The following OSBPL8 variants were observed in gnomAD, a reference collection of about 807,000 sequenced individuals.
The protein encoded by OSBPL8 is oxysterol-binding protein-related protein 8.
In OSBPL8, 59 loss-of-function variants were observed where a neutral mutation model predicts 125.5. That is an observed-to-expected ratio of 0.47 (90% CI 0.38 to 0.58). The LOEUF is 0.58. Among genes scored for constraint, OSBPL8 ranks in the 20% least tolerant of loss-of-function variants. OSBPL8 has a pLI of 0.00. For missense variants in OSBPL8, 758 were observed against 1,047.8 expected (o/e 0.72, Z 3.82); for synonymous variants, 330 against 338.9 (o/e 0.97, Z 0.29).
intron 2 of OSBPL8, among the ~76,000 whole-genome samples, chr12:76,477,096 C>T (rs971484758): frequency 8.5e-5 from 13 of 152,094 alleles, no homozygotes; most frequent in African/African-American, 2.7e-4. Context: ...TACTCTCCCA[C>T]CCCCAAACCT....
intron 8 of OSBPL8, among the ~76,000 whole-genome samples, chr12:76,396,900 G>A (rs73137009): frequency 4.6e-5 from 7 of 151,768 alleles, no homozygotes; most frequent in Non-Finnish European, 8.8e-5. Flanking sequence ...AAGCCTCCTC[G>A]ACCTCCCAAG....
chr12:76,472,873 ACTGATGT>A, intron 2 of OSBPL8, among the ~76,000 whole-genome samples: 1 of 152,248 alleles, frequency 6.6e-6, no homozygotes, highest in East Asian at 1.9e-4. Context: ...GGCAGGCCTG[ACTGATGT>A]CAGGCCCTCC....
intron 3 of OSBPL8, among the ~76,000 whole-genome samples, chr12:76,453,156 GTT>G (rs1319199573): frequency 2.0e-5 from 3 of 152,080 alleles, no homozygotes; most frequent in African/African-American, 7.2e-5. Context: ...AGAGAAGGAA[GTT>G]TTGTCTGCCT....
At chr12:76,520,372 T>TC (rs1044614609) in intron 1 of OSBPL8, among the ~76,000 whole-genome samples, 1 of 152,066 alleles carries the variant, frequency 6.6e-6, no homozygotes, top group African/African-American at 2.4e-5. Flanking sequence ...TCTATCTGCC[T>TC]CCCCCCATTA....
chr12:76,449,990 C>A lies in OSBPL8; in HGVS notation c.217+861G>T, dbSNP rs531315317. Among the ~76,000 whole-genome samples, 13 of 152,112 alleles carry A rather than the reference C, an allele frequency of 8.5e-5. No individual in the cohort carries two copies. In the South Asian group the frequency reaches 2.7e-3, roughly 32 times the overall value. On this transcript the variant is annotated intron_variant, in intron 4 of 23. Coordinates refer to ENST00000261183, the MANE Select transcript of OSBPL8 (RefSeq NM_020841.5). The stretch of plus-strand genomic sequence containing the variant: ...CCCCCATATATATATATGCATGAGA[C>A]CAGATTTTATTCATATACTTCAATC...
At chr12:76,361,806 C>A (rs991813420) in intron 21 of OSBPL8, among the ~76,000 whole-genome samples, 1 of 152,140 alleles carries the variant, frequency 6.6e-6, no homozygotes, top group African/African-American at 2.4e-5. Context: ...GAAACCACCC[C>A]CTTGATTCAA....
chr12:76,422,146 C>T (rs1869563253), intron 4 of OSBPL8, among the ~76,000 whole-genome samples: 1 of 152,090 alleles, frequency 6.6e-6, no homozygotes, highest in Non-Finnish European at 1.5e-5. Flanking sequence ...ATATTAATAT[C>T]TGGGTTTCAT....
intron 16 of OSBPL8, among the ~76,000 whole-genome samples, chr12:76,377,258 C>T (rs762635338): frequency 4.6e-5 from 7 of 152,064 alleles, no homozygotes; most frequent in Non-Finnish European, 8.8e-5. Context: ...GTCTTTATAG[C>T]AGAATAATGT....
At chr12:76,469,629 G>A (rs1875879709) in intron 2 of OSBPL8, among the ~76,000 whole-genome samples, 1 of 152,184 alleles carries the variant, frequency 6.6e-6, no homozygotes. Flanking sequence ...CTGCTCAAAA[G>A]CTACTTCATC....
At chr12:76,488,802 C>T (rs1796102015) in intron 1 of OSBPL8, among the ~76,000 whole-genome samples, 1 of 152,022 alleles carries the variant, frequency 6.6e-6, no homozygotes, top group Non-Finnish European at 1.5e-5. Context: ...ACTACAAAGG[C>T]CTCTAAGTGT....
chr12:76,383,449 C>A (rs145509199), intron 15 of OSBPL8, among the ~76,000 whole-genome samples: 1 of 151,296 alleles, frequency 6.6e-6, no homozygotes, highest in African/African-American at 2.4e-5. Context: ...ATAAAAGACA[C>A]CTTGAAGAAA....
At chr12:76,370,119 G>A (rs1468779172) in intron 19 of OSBPL8, among the ~76,000 whole-genome samples, 2 of 151,976 alleles carry the variant, frequency 1.3e-5, no homozygotes, top group Non-Finnish European at 2.9e-5. Flanking sequence ...AAGATGATAG[G>A]ATGTAATGAA....
chr12:76,473,607 TAACATTCA>T (rs1876442700), intron 2 of OSBPL8, among the ~76,000 whole-genome samples: 1 of 152,212 alleles, frequency 6.6e-6, no homozygotes, highest in Admixed American at 6.5e-5. Context: ...CAGATAACTC[TAACATTCA>T]ACTGGTTGCC....
At chr12:76,550,099 G>C (rs1260877444) in intron 1 of OSBPL8, among the ~76,000 whole-genome samples, 1 of 151,890 alleles carries the variant, frequency 6.6e-6, no homozygotes, top group Non-Finnish European at 1.5e-5. Context: ...TGGGGTGTGG[G>C]GGGGCTGGGG....
At chr12:76,550,799 GA>G (rs892520948) in intron 1 of OSBPL8, among the ~76,000 whole-genome samples, 2 of 152,160 alleles carry the variant, frequency 1.3e-5, no homozygotes, top group African/African-American at 4.8e-5. Flanking sequence ...CTGATAAAGA[GA>G]AAGGTGAATC....
At chr12:76,380,542 A>AAAAG (rs1320520074) in intron 15 of OSBPL8, among the ~76,000 whole-genome samples, 1 of 151,230 alleles carries the variant, frequency 6.6e-6, no homozygotes, top group Non-Finnish European at 1.5e-5. Context: ...AAAAAAAAAA[A>AAAAG]AAAAACCCTC....
chr12:76,426,700 A>G (rs1870190543), intron 4 of OSBPL8, among the ~76,000 whole-genome samples: 1 of 152,160 alleles, frequency 6.6e-6, no homozygotes, highest in South Asian at 2.1e-4. Context: ...AGACTGCATG[A>G]AACATTTCAC....
chr12:76,397,901 C>A lies in OSBPL8; in HGVS notation c.469-4G>T. On this transcript the variant is annotated splice_polypyrimidine_tract_variant and splice_region_variant and intron_variant, in intron 7 of 23. Transcript: ENST00000261183. ...AGCTCTTTAGAGTACCACGAATCTA[C>A]AGAAAGATAAATTTATTTTAAAAAG... 6.2e-7 allele frequency: 1 copy of A among 1,610,470 alleles called. No homozygotes were observed.
intron 4 of OSBPL8, among the ~76,000 whole-genome samples, chr12:76,439,569 T>C (rs751024435): frequency 1.3e-5 from 2 of 148,398 alleles, no homozygotes; most frequent in Non-Finnish European, 3.0e-5. Flanking sequence ...GCAGTACTAA[T>C]GTGAAATTAC....
Sources: allele counts gnomAD v4.1 joint callset (sites outside exome capture counted in the v4.1 genomes callset), GRCh38; gene constraint gnomAD v4.1.1; transcripts MANE v1.5; gene names NCBI Gene and HGNC (gene_info 2026-07-23, HGNC 2026-07-21).